STK39: variants seen among roughly 807,000 people sequenced by gnomAD.
The protein encoded by STK39 is STE20/SPS1-related proline-alanine-rich protein kinase.
A neutral mutation model predicts 77.8 loss-of-function variants in STK39; 20 were observed. The ratio of observed to expected loss-of-function variants is 0.26; its 90% CI spans 0.18 to 0.37. The LOEUF (loss-of-function observed/expected upper bound fraction) is 0.37, where lower values mean the gene tolerates loss of function less well. Ranked by LOEUF, STK39 falls within the 10% of genes least tolerant of loss-of-function variation. The pLI, the probability that STK39 is intolerant of heterozygous loss-of-function variation, is 1.00. For missense variants in STK39, 479 were observed against 656.5 expected (o/e 0.73, Z 2.95); for synonymous variants, 246 against 234.1 (o/e 1.05, Z -0.47).
At chr2:168,130,055 G>T (rs773599490) in intron 8 of STK39, among the ~76,000 whole-genome samples, 1 of 152,060 alleles carries the variant, frequency 6.6e-6, no homozygotes, top group Non-Finnish European at 1.5e-5. Context: ...TTCTAAAAGG[G>T]GGCAGACTGA....
At chr2:168,181,516 TAA>T (rs60447553) in intron 2 of STK39, among the ~76,000 whole-genome samples, 3 of 151,018 alleles carry the variant, frequency 2.0e-5, no homozygotes, top group East Asian at 3.9e-4. Flanking sequence ...ACAGAGCATT[TAA>T]AAAAAAAATA....
chr2:167,993,577 T>TCC (rs979820627), intron 16 of STK39, among the ~76,000 whole-genome samples: 5 of 152,284 alleles, frequency 3.3e-5, no homozygotes, highest in African/African-American at 1.2e-4. Context: ...AGAGCCGGGC[T>TCC]AAGGGAAGGA....
intron 14 of STK39, among the ~76,000 whole-genome samples, chr2:168,035,595 C>T (rs1003804721): frequency 2.6e-5 from 4 of 152,218 alleles, no homozygotes; most frequent in South Asian, 2.1e-4. Flanking sequence ...AAAAACCGTT[C>T]GGCTCAGATA....
chr2:167,965,572 C>T (rs1036607885), intron 16 of STK39, among the ~76,000 whole-genome samples: 1 of 152,174 alleles, frequency 6.6e-6, no homozygotes. Context: ...AAACTTAAAA[C>T]TTACTTTTTC....
intron 1 of STK39, among the ~76,000 whole-genome samples, chr2:168,236,248 GTCT>G (rs1290360152): frequency 6.6e-6 from 1 of 152,186 alleles, no homozygotes; most frequent in Non-Finnish European, 1.5e-5. Flanking sequence ...CTGCATAAAT[GTCT>G]TCTTTTGAGA....
rs567837785 is a variant in STK39 at position 168,115,651 on chromosome 2, A to C, written c.1089+13890T>G. 1.4e-4 allele frequency among the ~76,000 whole-genome samples: 21 copies of C among 152,340 alleles called. No homozygotes were observed. In the East Asian group the frequency reaches 3.5e-3, roughly 25 times the overall value. ...GCTAATCTATGTTTGTTGACATAAAAAGATGTCCAAAGGTATATCTTAAAT... is the reference window on the plus strand; with the variant it reads ...GCTAATCTATGTTTGTTGACATAAACAGATGTCCAAAGGTATATCTTAAAT... On this transcript the variant is annotated intron_variant, in intron 10 of 17. Coordinates refer to ENST00000355999, the MANE Select transcript of STK39 (RefSeq NM_013233.3).
intron 1 of STK39, among the ~76,000 whole-genome samples, chr2:168,236,206 C>T (rs1217394827): frequency 3.3e-5 from 5 of 152,210 alleles, no homozygotes; most frequent in East Asian, 1.9e-4. Flanking sequence ...TGATAGCCAG[C>T]GATGATGAGC....
chr2:168,217,235 G>C (rs1030657676), intron 1 of STK39, among the ~76,000 whole-genome samples: 1 of 152,104 alleles, frequency 6.6e-6, no homozygotes, highest in African/African-American at 2.4e-5. Context: ...GTCACACAGG[G>C]AACATGTTCC....
chr2:168,174,305 G>A (rs1458895821), intron 2 of STK39, among the ~76,000 whole-genome samples: 2 of 152,112 alleles, frequency 1.3e-5, no homozygotes, highest in Non-Finnish European at 2.9e-5. Context: ...ATGGGCAAAC[G>A]TCTACTTGCT....
intron 10 of STK39, among the ~76,000 whole-genome samples, chr2:168,115,424 A>G (rs1482400772): frequency 6.6e-6 from 1 of 152,198 alleles, no homozygotes; most frequent in African/African-American, 2.4e-5. Context: ...ATTATAAACC[A>G]TATACTCTTT....
chr2:168,113,208 CT>C (rs1687166517), intron 10 of STK39: 1 of 152,296 alleles, frequency 6.6e-6, no homozygotes, highest in South Asian at 2.1e-4. Flanking sequence ...ACATCCCCCC[CT>C]CTATTATACA....
At chr2:168,202,695 C>G (rs1232485310) in intron 1 of STK39, among the ~76,000 whole-genome samples, 1 of 151,888 alleles carries the variant, frequency 6.6e-6, no homozygotes, top group Non-Finnish European at 1.5e-5. Flanking sequence ...AATGCTGTGC[C>G]TGGATTGGAT....
chr2:168,181,317 T>G (rs1689078542), intron 2 of STK39, among the ~76,000 whole-genome samples: 1 of 152,212 alleles, frequency 6.6e-6, no homozygotes, highest in Non-Finnish European at 1.5e-5. Context: ...AATAACCATT[T>G]GCCAAGCTGT....
At chr2:168,242,596 T>TATATATAA (rs1690796732) in intron 1 of STK39, among the ~76,000 whole-genome samples, 1 of 95,816 alleles carries the variant, frequency 1.0e-5, no homozygotes, top group African/African-American at 4.1e-5. Flanking sequence ...TATATATATA[T>TATATATAA]AAAGAGGCCA....
At position 168,017,106 on chromosome 2, in the gene STK39, T is replaced by A. The variant is rs1426936831; in HGVS notation, c.1377-11A>T. The A allele has an allele frequency of 1.3e-6, 2 of 1,586,810 alleles. No individual in the cohort carries two copies. Among genetic ancestry groups the A allele is most frequent in the Non-Finnish European group, 1.7e-6 (2 of 1,162,710 alleles). On this transcript the variant is annotated splice_polypyrimidine_tract_variant and intron_variant, in intron 14 of 17. Coordinates refer to ENST00000355999, the MANE Select transcript of STK39 (RefSeq NM_013233.3). The stretch of plus-strand genomic sequence containing the variant: ...TCCTTTCTGGAGTTTCTGAAATACA[T>A]AACATATAATACATTAAAGTCTAGG...
At chr2:168,226,946 A>T (rs1690324107) in intron 1 of STK39, among the ~76,000 whole-genome samples, 1 of 152,256 alleles carries the variant, frequency 6.6e-6, no homozygotes, top group South Asian at 2.1e-4. Flanking sequence ...CTCATAGAAT[A>T]GCAATGGATC....
chr2:168,048,513 G>A (rs1267708710), intron 14 of STK39, among the ~76,000 whole-genome samples: 5 of 151,546 alleles, frequency 3.3e-5, no homozygotes, highest in South Asian at 4.2e-4. Context: ...CGCCCGGCCC[G>A]GCCCGGCCTA....
chr2:167,977,543 T>C (rs987120349), intron 16 of STK39, among the ~76,000 whole-genome samples: 18 of 151,426 alleles, frequency 1.2e-4, no homozygotes, highest in African/African-American at 4.4e-4. Flanking sequence ...TTCATCTGAG[T>C]TGAAGGTAAG....
intron 7 of STK39, 80 bp from the exon 8 acceptor site, chr2:168,138,301 T>G: frequency 6.6e-7 from 1 of 1,508,022 alleles, no homozygotes; most frequent in Non-Finnish European, 8.9e-7. Flanking sequence ...CATAAAAGTG[T>G]AAAAAACCAT....
Sources: gnomAD v4.1 joint callset for allele counts (sites outside exome capture counted in the v4.1 genomes callset) on GRCh38, gnomAD v4.1.1 for gene constraint, MANE v1.5 for transcripts, NCBI Gene and HGNC (gene_info 2026-07-23, HGNC 2026-07-21) for gene names.